The following ABI2 variants were observed in gnomAD, a reference collection of about 807,000 sequenced individuals.
ABI2 encodes the protein abl interactor 2, also known as abelson interactor 2.
A neutral mutation model predicts 59.2 loss-of-function variants in ABI2; 25 were observed. That is an observed-to-expected ratio of 0.42 (90% CI 0.31 to 0.59). The LOEUF (loss-of-function observed/expected upper bound fraction) is 0.59. Among genes scored for constraint, ABI2 ranks in the 20% least tolerant of loss-of-function variants. The pLI is 0.14. For missense variants in ABI2, 545 were observed against 681.8 expected (o/e 0.80, Z 2.23); for synonymous variants, 213 against 235.5 (o/e 0.90, Z 0.87).
intron 9 of ABI2, among the ~76,000 whole-genome samples, chr2:203,408,794 C>A (rs1206486697): frequency 2.0e-5 from 3 of 148,126 alleles, no homozygotes; most frequent in Non-Finnish European, 4.5e-5. Context: ...GCTACTGTTT[C>A]TCAGTTTTAT....
chr2:203,427,023 GA>G (rs1241340255), intron 11 of ABI2, among the ~76,000 whole-genome samples, 153 bp from the exon 12 acceptor site: 1 of 150,526 alleles, frequency 6.6e-6, no homozygotes, highest in African/African-American at 2.4e-5. Flanking sequence ...GTATTACTTA[GA>G]AAAAAAAACA....
In ABI2 at chr2:203,428,776, C is replaced by A. The variant is rs1428125521; in HGVS notation, c.*1424C>A. ...GGTCACTGTGATGTTGGGCCAGCTC[C>A]TGTTCAGGTCCAGAGCTGCTAACGT... On this transcript the variant is annotated 3_prime_UTR_variant, in exon 12 of 12. Transcript: ENST00000261018. The A allele has an allele frequency of 6.6e-6, 1 of 152,300 alleles. No individual in the cohort carries two copies. Among genetic ancestry groups the A allele is most frequent in the East Asian group, 1.9e-4 (1 of 5,204 alleles). 9.4% of individuals were successfully genotyped at this position (152,300 alleles called of 1,614,324 possible).
At chr2:203,356,803 A>G (rs904166676) in intron 1 of ABI2, among the ~76,000 whole-genome samples, 22 of 151,990 alleles carry the variant, frequency 1.4e-4, no homozygotes, top group Admixed American at 5.9e-4. Context: ...ACTCGGCAGC[A>G]TATTTTAAAA....
chr2:203,336,142 C>T (rs2076337651), intron 1 of ABI2, among the ~76,000 whole-genome samples: 1 of 152,168 alleles, frequency 6.6e-6, no homozygotes, highest in Non-Finnish European at 1.5e-5. Flanking sequence ...TTTGTTCCTT[C>T]TTATTACTGA....
intron 2 of ABI2, among the ~76,000 whole-genome samples, chr2:203,378,090 T>TTTTTTC (rs1257286612): frequency 3.3e-5 from 5 of 152,028 alleles, no homozygotes; most frequent in Admixed American, 2.0e-4. Context: ...AGAGATTATT[T>TTTTTTC]TTTTTCTTTT....
At chr2:203,390,725 T>A (rs2096713162) in intron 4 of ABI2, among the ~76,000 whole-genome samples, 2 of 152,234 alleles carry the variant, frequency 1.3e-5, no homozygotes, top group African/African-American at 4.8e-5. Context: ...AACTAAAATT[T>A]TGTAGTTATT....
intron 8 of ABI2, among the ~76,000 whole-genome samples, chr2:203,400,912 G>C (rs2097192301): frequency 6.6e-6 from 1 of 152,152 alleles, no homozygotes; most frequent in Non-Finnish European, 1.5e-5. Context: ...CCTGGAAGAG[G>C]ATATGACTGC....
intron 4 of ABI2, among the ~76,000 whole-genome samples, chr2:203,390,093 A>G (rs149705386): frequency 6.6e-6 from 1 of 152,184 alleles, no homozygotes; most frequent in Non-Finnish European, 1.5e-5. Context: ...CCTCAGCCCT[A>G]ACTTTCTGGT....
At chr2:203,381,956 T>A (rs1242617750) in intron 3 of ABI2, among the ~76,000 whole-genome samples, 1 of 152,200 alleles carries the variant, frequency 6.6e-6, no homozygotes, top group Non-Finnish European at 1.5e-5. Flanking sequence ...AAATCTTTAA[T>A]ACAGTTAAAT....
chr2:203,353,357 C>T (rs1046267951), intron 1 of ABI2, among the ~76,000 whole-genome samples: 3 of 152,248 alleles, frequency 2.0e-5, no homozygotes, highest in African/African-American at 7.2e-5. Context: ...TAGTGACTAC[C>T]ATATTTAGTA....
chr2:203,331,446 C>T (rs1196399277), intron 1 of ABI2, among the ~76,000 whole-genome samples: 3 of 139,642 alleles, frequency 2.1e-5, no homozygotes, highest in Non-Finnish European at 4.6e-5. Context: ...GCAACCTCCG[C>T]CTCCTGGGTT....
At chr2:203,355,829 CAAAAA>C (rs771519788) in intron 1 of ABI2, among the ~76,000 whole-genome samples, 1 of 68,508 alleles carries the variant, frequency 1.5e-5, no homozygotes, top group South Asian at 5.8e-4. Flanking sequence ...AAAACTGTCT[CAAAAA>C]AAAAAAAAAA....
At chr2:203,366,021 T>C (rs1439921769) in intron 1 of ABI2, among the ~76,000 whole-genome samples, 2 of 152,236 alleles carry the variant, frequency 1.3e-5, no homozygotes, top group Admixed American at 6.5e-5. Context: ...TGTGTTTTTT[T>C]CCATATTGGT....
chr2:203,431,706 AAAC>A lies in ABI2; in HGVS notation c.*4357_*4359del, dbSNP rs1387771289. On this transcript the variant is annotated 3_prime_UTR_variant, in exon 12 of 12. Coordinates refer to ENST00000261018, the MANE Select transcript of ABI2 (RefSeq NM_001375670.1). The stretch of plus-strand genomic sequence containing the variant: ...ATCTCATATAATTATTAAAAAAAAA[AAAC>A]AATTAAAACGAAACGGCGGGGCCTA... 5 of 151,946 alleles carry A rather than the reference AAAC, an allele frequency of 3.3e-5. No individual in the cohort carries two copies. Among genetic ancestry groups the A allele is most frequent in the East Asian group, 1.9e-4 (1 of 5,198 alleles). The allele number at this position is 151,946 out of a possible 1,614,324, so 9.4% of individuals were successfully genotyped here. A position where few individuals can be genotyped will look rare whatever the true frequency, so the allele number is the denominator to read the frequency against.
chr2:203,391,309 A>G (rs1668125697), intron 5 of ABI2, among the ~76,000 whole-genome samples, 166 bp downstream of exon 5: 1 of 152,140 alleles, frequency 6.6e-6, no homozygotes. Flanking sequence ...ACATTTTTAT[A>G]CTTCAGAAAG....
chr2:203,415,326 C>A (rs2097846794), intron 10 of ABI2, among the ~76,000 whole-genome samples: 1 of 152,016 alleles, frequency 6.6e-6, no homozygotes, highest in East Asian at 1.9e-4. Context: ...CTTTGAAAAT[C>A]CATTTAATTC....
chr2:203,344,306 A>G (rs921684532), intron 1 of ABI2, among the ~76,000 whole-genome samples: 4 of 152,220 alleles, frequency 2.6e-5, no homozygotes, highest in African/African-American at 9.6e-5. Flanking sequence ...TAATTGCTTT[A>G]AAGTACTAAT....
intron 1 of ABI2, among the ~76,000 whole-genome samples, chr2:203,345,865 G>C (rs2083127653): frequency 6.6e-6 from 1 of 151,238 alleles, no homozygotes; most frequent in African/African-American, 2.4e-5. Context: ...TTTTTAATCA[G>C]ATGAGTTTTG....
intron 2 of ABI2, among the ~76,000 whole-genome samples, chr2:203,377,086 G>A (rs1416703673): frequency 6.6e-6 from 1 of 152,172 alleles, no homozygotes; most frequent in Non-Finnish European, 1.5e-5. Context: ...GGGAGACTGA[G>A]GCAGGAGCAT....
Sources: allele counts gnomAD v4.1 joint callset (sites outside exome capture counted in the v4.1 genomes callset), GRCh38; gene constraint gnomAD v4.1.1; transcripts MANE v1.5; gene names NCBI Gene and HGNC (gene_info 2026-07-23, HGNC 2026-07-21).